The following ATP6V1E1 variants were observed in gnomAD, a reference collection of about 807,000 sequenced individuals.
ATP6V1E1 encodes the protein V-type proton ATPase subunit E 1.
ATP6V1E1 carries 21 observed loss-of-function variants against 35.2 expected under a neutral mutation model. The observed-to-expected ratio is 0.60, with a 90% CI of 0.42 to 0.86. The LOEUF is 0.86. Ranked by LOEUF, ATP6V1E1 falls within the 40% of genes least tolerant of loss-of-function variation. The probability of loss-of-function intolerance (pLI) is 0.00; values close to 1 mark genes in which losing one functional copy is unlikely to be tolerated. For missense variants in ATP6V1E1, 183 were observed against 272.6 expected, an observed-to-expected ratio of 0.67 and a Z score of 2.32; for synonymous variants, 83 against 87.8, an observed-to-expected ratio of 0.95 and a Z score of 0.30.
rs1340783593 is a variant in ATP6V1E1, at chr22:17,600,051, C to T, written c.411G>A (p.Arg137=). The change falls in exon 6 of 9, where the codon AGG becomes AGA. Residue 137 remains arginine (R), a synonymous_variant. Transcript: ENST00000253413. The stretch of plus-strand genomic sequence containing the variant: ...CCTTTACCAGAGGGAAATCTTGTTT[C>T]CTGCAACGAACAATCATTCGGGGCT... ...LLEPRMIVRC[R]KQDFPLVKAA... The T allele has an allele frequency of 6.2e-7, 1 of 1,613,954 alleles. No individual in the cohort carries two copies. The highest frequency in any genetic ancestry group is 1.1e-5 in the South Asian group (1 of 91,072).
intron 2 of ATP6V1E1, among the ~76,000 whole-genome samples, chr22:17,618,660 C>G (rs1048038497): frequency 7.6e-6 from 1 of 130,766 alleles, no homozygotes; most frequent in Non-Finnish European, 1.6e-5. Flanking sequence ...CCAGCCTGGG[C>G]GACAGAGCGA....
At position 17,603,794 on chromosome 22, in the gene ATP6V1E1, A is replaced by G. The variant is rs75667754; in HGVS notation, c.277-2613T>C. ...CAGATAAGGGATACACACCCTGTCT[A>G]TAAGACATCTGGCTGAAAGAACTCT... On this transcript the variant is annotated intron_variant, in intron 4 of 8. Coordinates refer to ENST00000253413, the MANE Select transcript of ATP6V1E1 (RefSeq NM_001696.4). Among the ~76,000 whole-genome samples the G allele has an allele frequency of 9.9e-3, 1,504 of 152,316 alleles. 14 individuals are homozygous for G. The highest frequency in any genetic ancestry group is 0.016 in the Non-Finnish European group (1,100 of 68,016).
rs1294103976 is a variant in ATP6V1E1 at position 17,592,771 on chromosome 22, A to C, written c.619-35T>G. The C allele has an allele frequency of 2.0e-6, 3 of 1,534,202 alleles. No individual in the cohort carries two copies. In the African/African-American group the frequency reaches 4.1e-5, roughly 21 times the overall value. ...GAAAGTGTAATAAATACGCAATGTC[A>C]GCTGAAGAAGTTGTAGAGCGCTGCA... is the stretch of plus-strand genomic sequence containing the variant. On this transcript the variant is annotated intron_variant, in intron 8 of 8. Coordinates refer to ENST00000253413, the MANE Select transcript of ATP6V1E1 (RefSeq NM_001696.4).
At chr22:17,601,529 GA>G (rs201886239) in intron 4 of ATP6V1E1, among the ~76,000 whole-genome samples, 1 of 151,762 alleles carries the variant, frequency 6.6e-6, no homozygotes, top group Non-Finnish European at 1.5e-5. Context: ...TTTTTTTAAG[GA>G]AAAAAACCAG....
chr22:17,613,690 G>C (rs1048840036), intron 2 of ATP6V1E1, among the ~76,000 whole-genome samples: 1 of 152,222 alleles, frequency 6.6e-6, no homozygotes, highest in Non-Finnish European at 1.5e-5. Flanking sequence ...GATCCTGGCC[G>C]GGTGCGGTGG....
At chr22:17,607,049 C>G (rs1230931231) in intron 4 of ATP6V1E1, among the ~76,000 whole-genome samples, 1 of 152,184 alleles carries the variant, frequency 6.6e-6, no homozygotes, top group African/African-American at 2.4e-5. Context: ...GTTGTCTCCA[C>G]ATAAGCTCCT....
In ATP6V1E1 at chr22:17,616,874, C is replaced by T. The variant is rs1231404117; in HGVS notation, c.99+2587G>A. On this transcript the variant is annotated intron_variant, in intron 2 of 8. Coordinates refer to ENST00000253413, the MANE Select transcript of ATP6V1E1 (RefSeq NM_001696.4). ...CCATCCCGGCTAAAACGGTGAAACC[C>T]CGTCTCTACTAAAAATACAAAAAAT... Among the ~76,000 whole-genome samples, 5 of 118,546 alleles carry T rather than the reference C, an allele frequency of 4.2e-5. 1 individual carries two copies. Among genetic ancestry groups the T allele is most frequent in the Admixed American group, 4.1e-4 (5 of 12,252 alleles). The allele number at this position is 118,546 out of a possible 152,430, so 77.8% of individuals were successfully genotyped here.
chr22:17,604,244 T>A (rs2057774717), intron 4 of ATP6V1E1, among the ~76,000 whole-genome samples: 1 of 152,208 alleles, frequency 6.6e-6, no homozygotes, highest in Non-Finnish European at 1.5e-5. Context: ...CTAACTTCAA[T>A]TAACTTTCTG....
chr22:17,615,360 A>C (rs1288791884), intron 2 of ATP6V1E1, among the ~76,000 whole-genome samples: 1 of 152,118 alleles, frequency 6.6e-6, no homozygotes, highest in Non-Finnish European at 1.5e-5. Context: ...TTATACGTAA[A>C]CAGGCCAGGT....
intron 8 of ATP6V1E1, among the ~76,000 whole-genome samples, chr22:17,593,546 A>G (rs1470661103): frequency 5.9e-5 from 9 of 152,178 alleles, no homozygotes; most frequent in Admixed American, 2.6e-4. Flanking sequence ...ACAGATGGTT[A>G]TTGTGTGCTG....
chr22:17,628,177 G>A (rs1196909843), intron 1 of ATP6V1E1, among the ~76,000 whole-genome samples: 1 of 151,992 alleles, frequency 6.6e-6, no homozygotes, highest in Non-Finnish European at 1.5e-5. Flanking sequence ...TTTTGGCCAG[G>A]CTAGTCTCGG....
chr22:17,592,793 T>A (rs909035797), intron 8 of ATP6V1E1, 57 bp from the exon 9 acceptor site: 1 of 999,170 alleles, frequency 1.0e-6, no homozygotes, highest in Non-Finnish European at 1.5e-6. Context: ...TGTAGAGCGC[T>A]GCACATCTTT....
intron 7 of ATP6V1E1, chr22:17,594,863 C>T: frequency 3.5e-6 from 1 of 288,322 alleles, no homozygotes; most frequent in Middle Eastern, 9.0e-4. Flanking sequence ...CATCACACAT[C>T]CTCCCCTATA....
At chr22:17,626,948 C>T (rs2057909977) in intron 1 of ATP6V1E1, among the ~76,000 whole-genome samples, 1 of 148,402 alleles carries the variant, frequency 6.7e-6, no homozygotes, top group African/African-American at 2.5e-5. Context: ...GTGCTGGGGG[C>T]TACAGGTGTG....
chr22:17,601,040 A>G, intron 5 of ATP6V1E1, 52 bp downstream of exon 5: 6 of 1,496,944 alleles, frequency 4.0e-6, no homozygotes, highest in Non-Finnish European at 5.5e-6. Flanking sequence ...TAGGCATTCT[A>G]AATTTTCTCA....
At chr22:17,592,765 A>G in intron 8 of ATP6V1E1, 29 bp from the exon 9 acceptor site, 2 of 1,576,720 alleles carry the variant, frequency 1.3e-6, no homozygotes, top group South Asian at 1.1e-5. Context: ...ATAAATACGC[A>G]ATGTCAGCTG....
chr22:17,598,194 A>G lies in ATP6V1E1; in HGVS notation c.530T>C (p.Ile177Thr), dbSNP rs563245881. The change falls in exon 7 of 9, where the codon ATA (isoleucine) becomes ACA (threonine). Residue 177 changes from isoleucine (I) to threonine (T), a missense_variant and splice_region_variant. By Grantham distance (89) the Ile-to-Thr change is moderately conservative. Transcript: ENST00000253413. ...IDQESYLPED[I>T]AGGVEIYNGD... ...TGTTAGCAGCAGGAATACTCCTTAC[A>G]TGTCTTCAGGCAGGTAGGACTCCTG... 1.9e-6 allele frequency: 3 copies of G among 1,609,802 alleles called. No homozygotes were observed. The highest frequency in any genetic ancestry group is 1.1e-5 in the South Asian group (1 of 90,978).
At chr22:17,609,681 G>A (rs2057805632) in intron 4 of ATP6V1E1, among the ~76,000 whole-genome samples, 1 of 150,776 alleles carries the variant, frequency 6.6e-6, no homozygotes, top group South Asian at 2.1e-4. Flanking sequence ...TTGTTAGCCA[G>A]GATGGTCTCA....
At chr22:17,619,657 G>T in intron 1 of ATP6V1E1, 131 bp from the exon 2 acceptor site, 1 of 740,784 alleles carries the variant, frequency 1.3e-6, no homozygotes, top group Non-Finnish European at 2.2e-6. Flanking sequence ...GGGCCAAGGA[G>T]GGAGGATTGC....
Sources: gnomAD v4.1 joint callset for allele counts (sites outside exome capture counted in the v4.1 genomes callset) on GRCh38, gnomAD v4.1.1 for gene constraint, MANE v1.5 for transcripts, NCBI Gene and HGNC (gene_info 2026-07-23, HGNC 2026-07-21) for gene names.